UBE2U: variants seen among roughly 807,000 people sequenced by gnomAD.
UBE2U encodes ubiquitin conjugating enzyme E2 U, also known as ubiquitin-conjugating enzyme E2 U.
A neutral mutation model predicts 41.2 loss-of-function variants in UBE2U; 39 were observed. The ratio of observed to expected loss-of-function variants is 0.95; its 90% CI spans 0.73 to 1.24. The LOEUF (loss-of-function observed/expected upper bound fraction) is 1.24. Among genes scored for constraint, UBE2U ranks in the 50% most tolerant of loss-of-function variants. The pLI is 0.00. For missense variants in UBE2U, 336 were observed against 363.1 expected, an observed-to-expected ratio of 0.93 and a Z score of 0.61; for synonymous variants, 107 against 117.8, an observed-to-expected ratio of 0.91 and a Z score of 0.60.
rs1216090846 is a variant in UBE2U at position 64,244,192 on chromosome 1, G to A, written c.677+2459G>A. On this transcript the variant is annotated intron_variant, in intron 8 of 9. Coordinates refer to ENST00000371077, the MANE Select transcript of UBE2U (RefSeq NM_001366232.2). ...GCATGAGCTTCAGAGTCAAACAGAT[G>A]TTGGAGAAATTCTTAACCACTCTGA... is the stretch of plus-strand genomic sequence containing the variant. 6 of 1,598,792 alleles carry A rather than the reference G, an allele frequency of 3.8e-6. No individual in the cohort carries two copies. In the African/African-American group the frequency reaches 4.0e-5, roughly 11 times the overall value.
At chr1:64,265,112 C>T (rs569216028) in intron 9 of UBE2U, among the ~76,000 whole-genome samples, 10 of 152,114 alleles carry the variant, frequency 6.6e-5, no homozygotes, top group African/African-American at 1.2e-4. Flanking sequence ...TTGCTGTGTC[C>T]GGTGTGGTTA....
rs181953020 is a variant in UBE2U at position 64,261,371 on chromosome 1, A to G, written c.769+677A>G. On this transcript the variant is annotated intron_variant, in intron 9 of 9. Transcript: ENST00000371077. ...CTAAAAATCTGCCCTTACTCACAGGATTCTTATGACTAAGTGACTCCATGT... is the reference window on the plus strand; with the variant it reads ...CTAAAAATCTGCCCTTACTCACAGGGTTCTTATGACTAAGTGACTCCATGT... Among the ~76,000 whole-genome samples the G allele has an allele frequency of 1.5e-3, 222 of 152,322 alleles. 2 individuals are homozygous for G. Among genetic ancestry groups the G allele is most frequent in the Non-Finnish European group, 2.5e-3 (170 of 68,026 alleles).
At chr1:64,238,963 G>A (rs1451220024) in intron 7 of UBE2U, among the ~76,000 whole-genome samples, 3 of 151,218 alleles carry the variant, frequency 2.0e-5, no homozygotes, top group Non-Finnish European at 4.4e-5. Flanking sequence ...GATCCCTTGA[G>A]CTCAGGAACT....
chr1:64,209,071 C>T (rs185262949), intron 3 of UBE2U, among the ~76,000 whole-genome samples: 1 of 152,210 alleles, frequency 6.6e-6, no homozygotes, highest in East Asian at 1.9e-4. Flanking sequence ...TCATATTTTA[C>T]ATTAGATTTT....
Position 64,236,875 on chromosome 1 carries a change from G to A in UBE2U, c.595+4226G>A, listed in dbSNP as rs543359997. Among the ~76,000 whole-genome samples, 10 of 152,304 alleles carry A rather than the reference G, an allele frequency of 6.6e-5. No homozygotes were observed. In the South Asian group the frequency reaches 1.9e-3, roughly 28 times the overall value. ...ACTGCTCATGAGAACCACCTGAGGA[G>A]CTTGTAAAACTTTCAATATAGATGG... On this transcript the variant is annotated intron_variant, in intron 7 of 9. Transcript: ENST00000371077.
chr1:64,213,867 C>T (rs1409082134), intron 4 of UBE2U, among the ~76,000 whole-genome samples: 1 of 152,108 alleles, frequency 6.6e-6, no homozygotes, highest in Non-Finnish European at 1.5e-5. Flanking sequence ...GCCTGTTGCT[C>T]CTAGGCTACA....
At chr1:64,266,367 T>A (rs1364587996) in intron 9 of UBE2U, among the ~76,000 whole-genome samples, 2 of 152,188 alleles carry the variant, frequency 1.3e-5, no homozygotes, top group African/African-American at 4.8e-5. Context: ...GATAGACAGA[T>A]CTGGGACGAG....
chr1:64,259,934 G>T (rs571690803), intron 8 of UBE2U, among the ~76,000 whole-genome samples: 39 of 151,734 alleles, frequency 2.6e-4, no homozygotes, highest in African/African-American at 9.4e-4. Context: ...TCAAAATAGG[G>T]TCTTTGCAGA....
intron 8 of UBE2U, among the ~76,000 whole-genome samples, chr1:64,256,417 A>G (rs1645092381): frequency 6.6e-6 from 1 of 152,212 alleles, no homozygotes; most frequent in African/African-American, 2.4e-5. Context: ...GTACAAGAAC[A>G]GAGACATAGA....
At chr1:64,215,069 CT>C in intron 5 of UBE2U, 137 bp downstream of exon 5, 1 of 593,232 alleles carries the variant, frequency 1.7e-6, no homozygotes, top group Non-Finnish European at 3.0e-6. Flanking sequence ...CCTGTCTCTA[CT>C]AAAATACAGA....
In UBE2U at chr1:64,220,891, C is replaced by T. The variant is rs370900770; in HGVS notation, c.490C>T (p.Pro164Ser). The T allele has an allele frequency of 9.6e-5, 154 of 1,605,184 alleles. No individual in the cohort carries two copies. Among genetic ancestry groups the T allele is most frequent in the Non-Finnish European group, 1.2e-4 (141 of 1,177,148 alleles). Reference sequence around the variant, plus strand: ...TGACAGCCAGGAGTTACCTAAAGACCCACGTAAATGTATCAGGTAAGTTTT... The same window carrying T: ...TGACAGCCAGGAGTTACCTAAAGACTCACGTAAATGTATCAGGTAAGTTTT... ...KDDSQELPKD[P>S]RKCIRPIKTT... The change falls in exon 6 of 10, where the codon CCA (proline) becomes TCA (serine). Residue 164 changes from proline (P) to serine (S), a missense_variant. By Grantham distance (74) the Pro-to-Ser change is moderately conservative. Transcript: ENST00000371077.
At chr1:64,216,996 TTATC>T (rs1347902968) in intron 5 of UBE2U, among the ~76,000 whole-genome samples, 1 of 152,200 alleles carries the variant, frequency 6.6e-6, no homozygotes, top group African/African-American at 2.4e-5. Flanking sequence ...GAACAAACGA[TTATC>T]TAGCCAGTTG....
At chr1:64,219,103 G>C (rs1652236028) in intron 5 of UBE2U, among the ~76,000 whole-genome samples, 1 of 152,122 alleles carries the variant, frequency 6.6e-6, no homozygotes, top group Middle Eastern at 3.2e-3. Context: ...ACATCTTCTA[G>C]GAGCTTCCTA....
intron 3 of UBE2U, among the ~76,000 whole-genome samples, chr1:64,207,415 A>G (rs895200046): frequency 2.6e-5 from 4 of 152,196 alleles, no homozygotes; most frequent in Admixed American, 2.6e-4. Flanking sequence ...AAATGCTGGG[A>G]TTACAGCTGT....
intron 9 of UBE2U, among the ~76,000 whole-genome samples, chr1:64,265,067 G>A (rs796324314): frequency 1.8e-4 from 27 of 152,294 alleles, no homozygotes; most frequent in African/African-American, 5.8e-4. Context: ...TTAAAAATGA[G>A]ATCTTGGTGA....
At chr1:64,235,903 C>T (rs1282170376) in intron 7 of UBE2U, among the ~76,000 whole-genome samples, 1 of 152,064 alleles carries the variant, frequency 6.6e-6, no homozygotes, top group African/African-American at 2.4e-5. Context: ...TATATCAACC[C>T]TACGTGCCAG....
Position 64,210,741 on chromosome 1 carries a change from G to A in UBE2U, c.242-1G>A. 8 of 1,535,400 alleles carry A rather than the reference G, an allele frequency of 5.2e-6. No homozygotes were observed. The highest frequency in any genetic ancestry group is 5.3e-6 in the Non-Finnish European group (6 of 1,136,770). ...AATATTAATGTATTATTTTAATACAGTAGACCCACACACTGGTCAGCCCTG... is the reference window on the plus strand; with the variant it reads ...AATATTAATGTATTATTTTAATACAATAGACCCACACACTGGTCAGCCCTG... On this transcript the variant is annotated splice_acceptor_variant, in intron 3 of 9. Transcript: ENST00000371077. LOFTEE classifies it high-confidence loss of function.
At chr1:64,261,637 T>A (rs991022124) in intron 9 of UBE2U, among the ~76,000 whole-genome samples, 1 of 152,200 alleles carries the variant, frequency 6.6e-6, no homozygotes, top group African/African-American at 2.4e-5. Flanking sequence ...ATTATCAGCC[T>A]CAGCCTTCTC....
intron 7 of UBE2U, among the ~76,000 whole-genome samples, chr1:64,239,056 A>AGAG (rs1644727412): frequency 4.5e-5 from 3 of 65,968 alleles, no homozygotes; most frequent in African/African-American, 1.3e-4. Flanking sequence ...AAGAAGAAGA[A>AGAG]GAAGAAGAAG....
Sources: allele counts gnomAD v4.1 joint callset (sites outside exome capture counted in the v4.1 genomes callset), GRCh38; gene constraint gnomAD v4.1.1; transcripts MANE v1.5; gene names NCBI Gene and HGNC (gene_info 2026-07-23, HGNC 2026-07-21).